The following IRAK1BP1 variants were observed in gnomAD, a reference collection of about 807,000 sequenced individuals.
The protein encoded by IRAK1BP1 is interleukin 1 receptor associated kinase 1 binding protein 1.
In IRAK1BP1, 24 loss-of-function variants were observed where a neutral mutation model predicts 28.0. The ratio of observed to expected loss-of-function variants is 0.86; its 90% CI spans 0.62 to 1.20. IRAK1BP1 has a LOEUF of 1.20. Among genes scored for constraint, IRAK1BP1 ranks in the 50% most tolerant of loss-of-function variants. The probability of loss-of-function intolerance (pLI) is 0.00; values close to 1 mark genes in which losing one functional copy is unlikely to be tolerated. For missense variants in IRAK1BP1, 336 were observed against 316.7 expected (o/e 1.06, Z -0.46); for synonymous variants, 131 against 116.3 (o/e 1.13, Z -0.81).
intron 4 of IRAK1BP1, among the ~76,000 whole-genome samples, chr6:78,910,730 C>T (rs371099966): frequency 6.6e-6 from 1 of 152,268 alleles, no homozygotes; most frequent in Non-Finnish European, 1.5e-5. Context: ...CCGCAAGGAC[C>T]GCGGATGCTT....
chr6:78,910,668 G>A (rs1388159101), intron 4 of IRAK1BP1, among the ~76,000 whole-genome samples: 4 of 152,170 alleles, frequency 2.6e-5, no homozygotes, highest in Non-Finnish European at 5.9e-5. Flanking sequence ...TGGAGTGGCG[G>A]CGGATGACCC....
the IRAK1BP1 span, chr6:78,957,267 GA>G: frequency 6.6e-6 from 1 of 151,610 alleles, no homozygotes; most frequent in African/African-American, 2.4e-5. Context: ...GATTCTCTTT[GA>G]AAAAACAGAT....
intron 4 of IRAK1BP1, among the ~76,000 whole-genome samples, chr6:78,915,567 G>T (rs1202561415): frequency 6.6e-6 from 1 of 152,116 alleles, no homozygotes; most frequent in East Asian, 1.9e-4. Context: ...TACCTAAGTT[G>T]GTGCATACCT....
At chr6:78,879,791 A>G (rs929483462) in intron 1 of IRAK1BP1, among the ~76,000 whole-genome samples, 1 of 152,236 alleles carries the variant, frequency 6.6e-6, no homozygotes, top group African/African-American at 2.4e-5. Flanking sequence ...CCCAGCAGCT[A>G]ATGCAGGGGC....
intron 4 of IRAK1BP1, among the ~76,000 whole-genome samples, chr6:78,923,595 C>T: frequency 6.6e-6 from 1 of 152,192 alleles, no homozygotes; most frequent in Non-Finnish European, 1.5e-5. Flanking sequence ...AACTCTCCAC[C>T]TCAAATCAAC....
At chr6:78,893,314 G>A (rs71547738) in intron 2 of IRAK1BP1, among the ~76,000 whole-genome samples, 5,124 of 102,684 alleles carry the variant, frequency 0.05, 185 homozygotes, top group African/African-American at 0.084. Flanking sequence ...GTGTGTGTGT[G>A]TATATATATA....
chr6:78,968,216 G>A, the IRAK1BP1 span, among the ~76,000 whole-genome samples: 6 of 152,268 alleles, frequency 3.9e-5, no homozygotes, highest in African/African-American at 1.2e-4. Flanking sequence ...AAGGCTGATA[G>A]CCAAAACCAA....
rs548973130 is a variant in IRAK1BP1, at chr6:78,923,871, G to A, written c.*67+20761G>A. On this transcript the variant is annotated intron_variant and NMD_transcript_variant, in intron 4 of 4. Coordinates refer to the IRAK1BP1 transcript ENST00000606868. The stretch of plus-strand genomic sequence containing the variant: ...AATAAAGATGTTCTTTGAAACCAAC[G>A]AGAACAAAGAGACAACGTACCAGAA... 2.3e-3 allele frequency among the ~76,000 whole-genome samples: 353 copies of A among 152,220 alleles called. 1 individual carries two copies. Among genetic ancestry groups the A allele is most frequent in the African/African-American group, 6.9e-3 (285 of 41,516 alleles).
In IRAK1BP1 at chr6:78,901,793, A is replaced by G. The variant is rs749119894; in HGVS notation, c.*3459A>G. 8 of 152,162 alleles carry G rather than the reference A, an allele frequency of 5.3e-5. No individual in the cohort carries two copies. Among genetic ancestry groups the G allele is most frequent in the African/African-American group, 1.7e-4 (7 of 41,452 alleles). 9.4% of individuals were successfully genotyped at this position (152,162 alleles called of 1,614,324 possible). Reference sequence around the variant, plus strand: ...TATCAGTATTCTTATTTGACGGTCAATTTGAGTTCAGTGTAAACAAATAGG... The same window carrying G: ...TATCAGTATTCTTATTTGACGGTCAGTTTGAGTTCAGTGTAAACAAATAGG... On this transcript the variant is annotated 3_prime_UTR_variant, in exon 4 of 4. Transcript: ENST00000369940.
chr6:78,944,414 G>A (rs1773690113), intron 4 of IRAK1BP1, among the ~76,000 whole-genome samples: 1 of 152,120 alleles, frequency 6.6e-6, no homozygotes, highest in Non-Finnish European at 1.5e-5. Context: ...AAAGAGTTGA[G>A]AACTGAGGCA....
At chr6:78,891,845 T>C (rs1230764091) in intron 2 of IRAK1BP1, among the ~76,000 whole-genome samples, 2 of 152,198 alleles carry the variant, frequency 1.3e-5, no homozygotes, top group African/African-American at 4.8e-5. Flanking sequence ...ACTACTCATA[T>C]AGTTTTCTCC....
chr6:78,954,046 AATAT>A, the IRAK1BP1 span, among the ~76,000 whole-genome samples: 1 of 152,282 alleles, frequency 6.6e-6, no homozygotes, highest in South Asian at 2.1e-4. Flanking sequence ...GCATAACCTA[AATAT>A]ATACAATAAT....
At chr6:78,930,431 C>A (rs1432895826) in intron 4 of IRAK1BP1, among the ~76,000 whole-genome samples, 2 of 152,004 alleles carry the variant, frequency 1.3e-5, no homozygotes, top group African/African-American at 4.8e-5. Flanking sequence ...TAAAAGTGTT[C>A]ATTTTTGCAA....
At chr6:78,921,248 T>A in intron 4 of IRAK1BP1, among the ~76,000 whole-genome samples, 1 of 152,106 alleles carries the variant, frequency 6.6e-6, no homozygotes, top group East Asian at 1.9e-4. Context: ...TTTCCAACGA[T>A]CTTCGCAAAC....
chr6:78,975,347 T>A, the IRAK1BP1 span, among the ~76,000 whole-genome samples: 1 of 152,296 alleles, frequency 6.6e-6, no homozygotes, highest in African/African-American at 2.4e-5. Context: ...AAACTCTCAA[T>A]AAATTAGGTA....
rs199667399 is a variant in IRAK1BP1, at chr6:78,867,813, G to A, written c.237G>A (p.Glu79=). ...TGGTGCGAGTGAGCAGCACCAAGGA[G>A]GCGGCAGCCGAGGCCAAAAAGAGCG... The part of the protein sequence containing the change: ...QVVVRVSSTK[E]AAAEAKKSVC... Residue 79 remains glutamate (E), a synonymous_variant, in exon 1 of 4, where the codon GAG becomes GAA. Coordinates refer to ENST00000369940, the MANE Select transcript of IRAK1BP1 (RefSeq NM_001010844.4). 3 of 1,612,958 alleles carry A rather than the reference G, an allele frequency of 1.9e-6. No homozygotes were observed. Among genetic ancestry groups the A allele is most frequent in the African/African-American group, 2.7e-5 (2 of 75,058 alleles).
Position 78,899,932 on chromosome 6 carries a change from A to G in IRAK1BP1, c.*1598A>G, listed in dbSNP as rs1361041840. On this transcript the variant is annotated 3_prime_UTR_variant, in exon 4 of 4. Transcript: ENST00000369940. ...TACATAATAGCACATCTCAATTCACATGCTAAATTTTCATCAGAAATATTT... is the reference window on the plus strand; with the variant it reads ...TACATAATAGCACATCTCAATTCACGTGCTAAATTTTCATCAGAAATATTT... The G allele has an allele frequency of 6.6e-6, 1 of 152,210 alleles. No homozygotes were observed. Among genetic ancestry groups the G allele is most frequent in the Non-Finnish European group, 1.5e-5 (1 of 68,038 alleles). The allele number at this position is 152,210 out of a possible 1,614,324, so 9.4% of individuals were successfully genotyped here.
At chr6:78,967,748 T>G in the IRAK1BP1 span, among the ~76,000 whole-genome samples, 2 of 152,334 alleles carry the variant, frequency 1.3e-5, no homozygotes, top group African/African-American at 4.8e-5. Flanking sequence ...CACATTACTT[T>G]GCCAAGGTTA....
intron 1 of IRAK1BP1, chr6:78,871,627 G>A: frequency 1.4e-6 from 1 of 738,040 alleles, no homozygotes; most frequent in Non-Finnish European, 1.7e-6. Context: ...ATTCGGAGGA[G>A]GCTTTTAGGA....
Sources: gnomAD v4.1 joint callset for allele counts (sites outside exome capture counted in the v4.1 genomes callset) on GRCh38, gnomAD v4.1.1 for gene constraint, MANE v1.5 for transcripts, NCBI Gene and HGNC (gene_info 2026-07-23, HGNC 2026-07-21) for gene names.